MNDA: variants seen among roughly 807,000 people sequenced by gnomAD.
MNDA encodes myeloid cell nuclear differentiation antigen.
In MNDA, 43 loss-of-function variants were observed where a neutral mutation model predicts 37.8. The observed-to-expected ratio is 1.14, with a 90% CI of 0.89 to 1.47. MNDA has a LOEUF of 1.47. Among genes scored for constraint, MNDA ranks in the 40% most tolerant of loss-of-function variants. The pLI, the probability that MNDA is intolerant of heterozygous loss-of-function variation, is 0.00. For missense variants in MNDA, 536 were observed against 476.0 expected, an observed-to-expected ratio of 1.13 and a Z score of -1.17; for synonymous variants, 181 against 169.0, an observed-to-expected ratio of 1.07 and a Z score of -0.55.
At chr1:158,847,948 TA>T (rs1659174011) in intron 6 of MNDA, 32 bp downstream of exon 6, 1 of 1,585,406 alleles carries the variant, frequency 6.3e-7, no homozygotes, top group African/African-American at 1.4e-5. Context: ...ATGAGTTTGC[TA>T]AAGAGGCAAA....
chr1:158,834,293 C>T (rs1048331525), intron 1 of MNDA, among the ~76,000 whole-genome samples: 15 of 142,208 alleles, frequency 1.1e-4, no homozygotes, highest in Admixed American at 1.5e-4. Flanking sequence ...AGTGCAGTGG[C>T]GCGATCTCGA....
chr1:158,843,588 G>A (rs939353809), intron 3 of MNDA, among the ~76,000 whole-genome samples, 173 bp downstream of exon 3: 1 of 152,188 alleles, frequency 6.6e-6, no homozygotes, highest in African/African-American at 2.4e-5. Context: ...AAAAATTTCT[G>A]TGACATAAAT....
intron 1 of MNDA, among the ~76,000 whole-genome samples, chr1:158,840,365 G>T (rs1659006753): frequency 6.6e-6 from 1 of 152,106 alleles, no homozygotes; most frequent in South Asian, 2.1e-4. Flanking sequence ...ATGATGGAAG[G>T]CACCTCTTCA....
Position 158,847,745 on chromosome 1 carries a change from GA to G in MNDA, c.1007del (p.Asn336ThrfsTer15), listed in dbSNP as rs1659165176. 6.2e-7 allele frequency: 1 copy of G among 1,612,642 alleles called. No homozygotes were observed. Among genetic ancestry groups the G allele is most frequent in the Middle Eastern group, 1.7e-4 (1 of 6,048 alleles). ...MLQKKSVHKKNTIYEIQDNTG... is the reference protein window; with the variant it reads ...MLQKKSVHKKXTIYEIQDNTG... ...TTTTGCAGAAAAGCGTACACAAGAA[GA>G]ACACAATTTATGAAATACAGGATAA... On this transcript the variant is annotated frameshift_variant, in exon 6 of 7. Transcript: ENST00000368141. LOFTEE classifies it high-confidence loss of function.
intron 6 of MNDA, among the ~76,000 whole-genome samples, chr1:158,848,561 G>T (rs182673514): frequency 1.3e-5 from 2 of 152,194 alleles, no homozygotes; most frequent in East Asian, 3.9e-4. Context: ...AGATGAAAAA[G>T]AAATAGAAGT....
At position 158,849,192 on chromosome 1, in the gene MNDA, C is replaced by T; in HGVS notation, c.1179C>T (p.Val393=). 1 of 1,610,482 alleles carries T rather than the reference C, an allele frequency of 6.2e-7. No individual in the cohort carries two copies. Among genetic ancestry groups the T allele is most frequent in the Non-Finnish European group, 8.5e-7 (1 of 1,177,644 alleles). The change falls in exon 7 of 7, where the codon GTC becomes GTT. Residue 393 remains valine (V), a splice_region_variant and synonymous_variant. Coordinates refer to ENST00000368141, the MANE Select transcript of MNDA (RefSeq NM_002432.3). ...GTCTTTCTTATCTCTCTTTAAAGGT[C>T]ATCAAGGCCAAGAAAAACAAGGAAG... is the stretch of plus-strand genomic sequence containing the variant. ...LVCGSHSFIK[V]IKAKKNKEGP...
rs200437746 is a variant in MNDA, at chr1:158,842,347, T to A, written c.194T>A (p.Leu65Gln). 6 of 1,614,054 alleles carry A rather than the reference T, an allele frequency of 3.7e-6. No homozygotes were observed. The Admixed American group carries it at 8.3e-5, about 22-fold the overall frequency. The change falls in exon 2 of 7, where the codon CTA becomes CAA. Residue 65 changes from leucine to glutamine, a missense_variant. Physicochemically the swap from Leu to Gln is moderately radical, Grantham distance 113. Transcript: ENST00000368141. ...KFQGVACLDK[L>Q]IELAKDMPSL... Reference sequence around the variant, plus strand: ...CAAGGCGTTGCCTGTCTAGACAAACTAATAGAACTTGCCAAAGATATGCCA... The same window carrying A: ...CAAGGCGTTGCCTGTCTAGACAAACAAATAGAACTTGCCAAAGATATGCCA...
intron 5 of MNDA, 40 bp from the exon 6 acceptor site, chr1:158,847,688 A>C (rs772635601): frequency 6.4e-7 from 1 of 1,573,190 alleles, no homozygotes; most frequent in Non-Finnish European, 8.7e-7. Context: ...TATGATACTA[A>C]CAATCCTCTC....
chr1:158,845,760 T>A lies in MNDA; in HGVS notation c.744T>A (p.His248Gln). 2 of 1,614,118 alleles carry A rather than the reference T, an allele frequency of 1.2e-6. No homozygotes were observed. Among genetic ancestry groups the A allele is most frequent in the Non-Finnish European group, 1.7e-6 (2 of 1,180,014 alleles). ...TGGCCAGTAAGACTCAATATTTCCA[T>A]GTGAAAGTCTTCGACATCAACTTGA... Reference protein sequence around the residue: ...ATVASKTQYFHVKVFDINLKE... With the variant: ...ATVASKTQYFQVKVFDINLKE... Residue 248 changes from histidine to glutamine, a missense_variant, in exon 5 of 7, where the codon CAT becomes CAA. By Grantham distance (24) the His-to-Gln change is conservative (BLOSUM62 0). Coordinates refer to ENST00000368141, the MANE Select transcript of MNDA (RefSeq NM_002432.3).
intron 2 of MNDA, 124 bp downstream of exon 2, chr1:158,842,542 G>T: frequency 9.7e-7 from 1 of 1,028,278 alleles, no homozygotes; most frequent in Non-Finnish European, 1.4e-6. Context: ...TCATGGGGAT[G>T]TTGGCACCTC....
At chr1:158,846,066 C>T in intron 5 of MNDA, 63 bp downstream of exon 5, 2 of 1,408,244 alleles carry the variant, frequency 1.4e-6, no homozygotes, top group Non-Finnish European at 1.9e-6. Flanking sequence ...TCTTAATTTG[C>T]CAGACTTACT....
chr1:158,837,251 AT>A (rs1658936173), intron 1 of MNDA, among the ~76,000 whole-genome samples: 1 of 151,684 alleles, frequency 6.6e-6, no homozygotes, highest in African/African-American at 2.4e-5. Flanking sequence ...TTCAATATTT[AT>A]TTTTTCCAAA....
intron 4 of MNDA, among the ~76,000 whole-genome samples, chr1:158,844,978 A>G (rs1048169871): frequency 4.6e-5 from 7 of 152,214 alleles, no homozygotes; most frequent in African/African-American, 1.4e-4. Flanking sequence ...GCAGAAGATC[A>G]TGCTTTGCTT....
At chr1:158,842,084 A>T in intron 1 of MNDA, 50 bp from the exon 2 acceptor site, 1 of 1,482,318 alleles carries the variant, frequency 6.7e-7, no homozygotes, top group Non-Finnish European at 9.1e-7. Context: ...CTCATTTTTT[A>T]AAATTGTCTG....
rs184883810 is a variant in MNDA, at chr1:158,845,462, G to C, written c.571-125G>C. On this transcript the variant is annotated intron_variant, in intron 4 of 6. Transcript: ENST00000368141. ...TCACCATGTTAGCCAGGATGGTCTC[G>C]ATCTTCTGACCTCGTGATCCACCCG... 5.2e-4 allele frequency: 452 copies of C among 872,938 alleles called. 4 individuals are homozygous for C. The African/African-American group carries it at 6.6e-3, about 13-fold the overall frequency. 54.1% of individuals were successfully genotyped at this position (872,938 alleles called of 1,614,324 possible). A position where few individuals can be genotyped will look rare whatever the true frequency, so the allele number is the denominator to read the frequency against.
rs114803804 is a variant in MNDA, at chr1:158,845,398, C to A, written c.571-189C>A. Among the ~76,000 whole-genome samples the A allele has an allele frequency of 2.4e-3, 367 of 152,144 alleles. 1 individual carries two copies. Among genetic ancestry groups the A allele is most frequent in the African/African-American group, 8.4e-3 (348 of 41,482 alleles). ...GACTACAGACGCCCGCTACAACGCC[C>A]GGCTAGTTTTTTTTGTATTTTTAGT... On this transcript the variant is annotated intron_variant, in intron 4 of 6. Transcript: ENST00000368141.
intron 6 of MNDA, 81 bp downstream of exon 6, chr1:158,847,997 T>G (rs1414530553): frequency 1.5e-6 from 2 of 1,314,524 alleles, no homozygotes; most frequent in East Asian, 4.6e-5. Context: ...AGGTTCCTCA[T>G]GTATTACTCA....
chr1:158,838,782 G>T (rs1658971770), intron 1 of MNDA, among the ~76,000 whole-genome samples: 1 of 151,916 alleles, frequency 6.6e-6, no homozygotes, highest in South Asian at 2.1e-4. Flanking sequence ...TTTTAAAAAA[G>T]TTTGTTCTTC....
rs1248725037 is a variant in MNDA, at chr1:158,843,269, C to T, written c.266-10C>T. On this transcript the variant is annotated splice_polypyrimidine_tract_variant and intron_variant, in intron 2 of 6. Transcript: ENST00000368141. Reference sequence around the variant, plus strand: ...AGGCCTATTGTGCCCTTTTTCTTTTCTTTTGTCAGTTGCTAAGAAAATTAA... The same window carrying T: ...AGGCCTATTGTGCCCTTTTTCTTTTTTTTTGTCAGTTGCTAAGAAAATTAA... 4 of 1,599,994 alleles carry T rather than the reference C, an allele frequency of 2.5e-6. No homozygotes were observed. In the Admixed American group the frequency reaches 5.3e-5, roughly 21 times the overall value.
Sources: gnomAD v4.1 joint callset for allele counts (sites outside exome capture counted in the v4.1 genomes callset) on GRCh38, gnomAD v4.1.1 for gene constraint, MANE v1.5 for transcripts, NCBI Gene and HGNC (gene_info 2026-07-23, HGNC 2026-07-21) for gene names.